The following EFCAB5 variants were observed in gnomAD, a reference collection of about 807,000 sequenced individuals.
EFCAB5 encodes the protein EF-hand calcium binding domain 5, also known as EF-hand calcium-binding domain-containing protein 5.
EFCAB5 carries 131 observed loss-of-function variants against 167.9 expected under a neutral mutation model. The ratio of observed to expected loss-of-function variants is 0.78; its 90% CI spans 0.68 to 0.90. The LOEUF (loss-of-function observed/expected upper bound fraction) is 0.90, where lower values mean the gene tolerates loss of function less well. Ranked by LOEUF, EFCAB5 falls within the 40% of genes least tolerant of loss-of-function variation. EFCAB5 has a pLI of 0.00. For missense variants in EFCAB5, 1,663 were observed against 1,745.2 expected, an observed-to-expected ratio of 0.95 and a Z score of 0.84; for synonymous variants, 574 against 602.8, an observed-to-expected ratio of 0.95 and a Z score of 0.70.
intron 3 of EFCAB5, among the ~76,000 whole-genome samples, chr17:29,952,631 A>AC (rs2151539707): frequency 6.6e-6 from 1 of 152,282 alleles, no homozygotes; most frequent in Non-Finnish European, 1.5e-5. Context: ...AATACTAAGT[A>AC]TAAAAAAGAC....
At chr17:30,073,533 C>T in intron 14 of EFCAB5, 1 of 578,098 alleles carries the variant, frequency 1.7e-6, no homozygotes, top group Non-Finnish European at 3.2e-6. Flanking sequence ...TGCATGTGGT[C>T]CATTTTAAGT....
intron 14 of EFCAB5, among the ~76,000 whole-genome samples, chr17:30,077,835 C>A (rs143577832): frequency 6.6e-6 from 1 of 152,150 alleles, no homozygotes; most frequent in Non-Finnish European, 1.5e-5. Flanking sequence ...AAGTGATAAA[C>A]GCTGGCTCTG....
intron 1 of EFCAB5, chr17:29,930,040 C>T (rs1335734144): frequency 6.6e-7 from 1 of 1,511,618 alleles, no homozygotes; most frequent in Non-Finnish European, 8.9e-7. Context: ...GCATTCTTGT[C>T]CTGAGTGTGG....
intron 7 of EFCAB5, among the ~76,000 whole-genome samples, chr17:30,019,340 T>C (rs1178063206): frequency 6.6e-6 from 1 of 151,916 alleles, no homozygotes; most frequent in Admixed American, 6.6e-5. Context: ...ATCAAAAGGC[T>C]TATTTTATTT....
At chr17:30,020,289 T>C (rs1450161073) in intron 7 of EFCAB5, among the ~76,000 whole-genome samples, 1 of 152,128 alleles carries the variant, frequency 6.6e-6, no homozygotes, top group African/African-American at 2.4e-5. Context: ...TGTGTTATAA[T>C]TGTTATTTCT....
upstream of EFCAB5, among the ~76,000 whole-genome samples, chr17:29,940,573 C>T (rs2067284421): frequency 6.6e-6 from 1 of 152,112 alleles, no homozygotes; most frequent in South Asian, 2.1e-4. Context: ...AGAAATGAGG[C>T]TGTTGAGAAT....
At chr17:30,054,819 G>A (rs1020200255) in intron 10 of EFCAB5, among the ~76,000 whole-genome samples, 8 of 152,160 alleles carry the variant, frequency 5.3e-5, no homozygotes, top group African/African-American at 1.9e-4. Context: ...TGTCCATGTT[G>A]TCTATGTTAC....
chr17:30,012,674 G>A lies in EFCAB5; in HGVS notation c.1044+12698G>A, dbSNP rs535553339. Among the ~76,000 whole-genome samples the A allele has an allele frequency of 2.0e-5, 3 of 152,216 alleles. No homozygotes were observed. In the East Asian group the frequency reaches 5.8e-4, roughly 29 times the overall value. On this transcript the variant is annotated intron_variant, in intron 7 of 22. Coordinates refer to ENST00000394835, the MANE Select transcript of EFCAB5 (RefSeq NM_198529.4). ...CGACTTGGTGGTAGTGGTCCCCCGG[G>A]CCCAGTTGTCTTTTCTTTTATCTCT...
chr17:30,007,451 A>G (rs997535022), intron 7 of EFCAB5, among the ~76,000 whole-genome samples: 4 of 152,246 alleles, frequency 2.6e-5, no homozygotes, highest in East Asian at 1.9e-4. Context: ...TAAACTGCCC[A>G]AGTAACATCA....
chr17:30,011,545 G>A (rs1213820403), intron 7 of EFCAB5, among the ~76,000 whole-genome samples: 1 of 152,042 alleles, frequency 6.6e-6, no homozygotes, highest in Non-Finnish European at 1.5e-5. Flanking sequence ...GGATTCCTAG[G>A]TATTTTATTC....
At chr17:30,100,164 T>G (rs1236608933) in intron 22 of EFCAB5, among the ~76,000 whole-genome samples, 1 of 152,130 alleles carries the variant, frequency 6.6e-6, no homozygotes, top group Non-Finnish European at 1.5e-5. Context: ...TGCTTTATAT[T>G]TTTCAAATTT....
At chr17:29,988,873 G>A (rs570911723) in intron 4 of EFCAB5, among the ~76,000 whole-genome samples, 26 of 152,260 alleles carry the variant, frequency 1.7e-4, no homozygotes, top group Admixed American at 1.6e-3. Flanking sequence ...ACACCAGTAG[G>A]TGAATGCTGA....
chr17:29,930,718 A>G (rs957922311), intron 1 of EFCAB5, among the ~76,000 whole-genome samples: 6 of 151,962 alleles, frequency 3.9e-5, no homozygotes, highest in African/African-American at 1.2e-4. Context: ...CCTTCCGTCT[A>G]TGTTTTATGA....
chr17:30,069,965 A>AG (rs1027489688), intron 14 of EFCAB5, among the ~76,000 whole-genome samples: 3 of 151,450 alleles, frequency 2.0e-5, no homozygotes, highest in Non-Finnish European at 2.9e-5. Flanking sequence ...CCGCCTTGGC[A>AG]GGGGGGGCTG....
intron 22 of EFCAB5, among the ~76,000 whole-genome samples, chr17:30,097,029 TACATATACATATACATATAC>T (rs1185374057): frequency 0.021 from 2,533 of 120,782 alleles, 53 homozygotes; most frequent in Middle Eastern, 0.059. Flanking sequence ...CATATACATA[TACATATACATATACATATAC>T]ATATATATAT....
Position 30,075,749 on chromosome 17 carries a change from C to A in EFCAB5, c.2738-2466C>A, listed in dbSNP as rs560821429. Among the ~76,000 whole-genome samples the A allele has an allele frequency of 4.6e-5, 7 of 152,332 alleles. No homozygotes were observed. The East Asian group carries it at 1.2e-3, about 25-fold the overall frequency. On this transcript the variant is annotated intron_variant, in intron 14 of 22. Coordinates refer to ENST00000394835, the MANE Select transcript of EFCAB5 (RefSeq NM_198529.4). ...TCTGCTCAGGCTCTGACAACCCATG[C>A]CCAGCTAACCCTGCACAGATTTGGG... is the stretch of plus-strand genomic sequence containing the variant.
chr17:29,958,426 A>G (rs1258855106), intron 3 of EFCAB5, among the ~76,000 whole-genome samples: 1 of 152,162 alleles, frequency 6.6e-6, no homozygotes, highest in Non-Finnish European at 1.5e-5. Flanking sequence ...AACTGAGGGA[A>G]CATCATACAT....
In EFCAB5 at chr17:29,969,333, C is replaced by T. The variant is rs765008553; in HGVS notation, c.733C>T (p.Leu245=). Reference sequence around the variant, plus strand: ...GTTGATGAAAGAAGTCACAGAAGACCTGAAGATATATGTTCCTGACACTAT... The same window carrying T: ...GTTGATGAAAGAAGTCACAGAAGACTTGAAGATATATGTTCCTGACACTAT... ...QRLMKEVTED[L]KIYVPDTICN... Residue 245 remains leucine, a synonymous_variant, in exon 4 of 23, where the codon CTG becomes TTG. Transcript: ENST00000394835. 4 of 1,607,674 alleles carry T rather than the reference C, an allele frequency of 2.5e-6. No homozygotes were observed. In the South Asian group the frequency reaches 4.5e-5, roughly 18 times the overall value.
At chr17:30,033,934 A>G (rs1156730749) in intron 7 of EFCAB5, among the ~76,000 whole-genome samples, 1 of 152,188 alleles carries the variant, frequency 6.6e-6, no homozygotes, top group African/African-American at 2.4e-5. Flanking sequence ...AACTACTGCT[A>G]TTTCATACTG....
Sources: allele counts gnomAD v4.1 joint callset (sites outside exome capture counted in the v4.1 genomes callset), GRCh38; gene constraint gnomAD v4.1.1; transcripts MANE v1.5; gene names NCBI Gene and HGNC (gene_info 2026-07-23, HGNC 2026-07-21).